MRPS35: variants seen among roughly 807,000 people sequenced by gnomAD.
MRPS35 encodes the protein small ribosomal subunit protein mS35.
MRPS35 carries 29 observed loss-of-function variants against 32.7 expected under a neutral mutation model. The ratio of observed to expected loss-of-function variants is 0.89; its 90% CI spans 0.66 to 1.21. The LOEUF is 1.21. Among genes scored for constraint, MRPS35 ranks in the 50% most tolerant of loss-of-function variants. The pLI is 0.00. For synonymous variants in MRPS35, 148 were observed against 139.3 expected (o/e 1.06, Z -0.44); for missense variants, 373 against 383.8 (o/e 0.97, Z 0.23).
intron 5 of MRPS35, among the ~76,000 whole-genome samples, chr12:27,724,571 C>T (rs1052858708): frequency 2.6e-5 from 4 of 151,974 alleles, no homozygotes; most frequent in Admixed American, 1.3e-4. Context: ...GGTGAAACCC[C>T]GTCTCTACTA....
chr12:27,738,434 T>A (rs2061950887), intron 7 of MRPS35, among the ~76,000 whole-genome samples: 1 of 152,204 alleles, frequency 6.6e-6, no homozygotes, highest in African/African-American at 2.4e-5. Flanking sequence ...GCTAAACCTG[T>A]ATTTAAATAA....
intron 5 of MRPS35, among the ~76,000 whole-genome samples, chr12:27,732,975 T>C (rs2061927300): frequency 6.8e-6 from 1 of 147,018 alleles, no homozygotes; most frequent in Non-Finnish European, 1.5e-5. Context: ...TGTTAAAATG[T>C]AGTCATTTGA....
In MRPS35 at chr12:27,719,684, A is replaced by C. The variant is rs571252819; in HGVS notation, c.322-124A>C. ...CGAGACTCTGTCTCAAAAAAAAAAAAAAACAAACAGATTTTATTTACTACA... is the reference window on the plus strand; with the variant it reads ...CGAGACTCTGTCTCAAAAAAAAAAACAAACAAACAGATTTTATTTACTACA... On this transcript the variant is annotated intron_variant, in intron 3 of 7. Coordinates refer to ENST00000081029, the MANE Select transcript of MRPS35 (RefSeq NM_021821.4). 829 of 662,342 alleles carry C rather than the reference A, an allele frequency of 1.3e-3. 5 individuals are homozygous for C. Among genetic ancestry groups the C allele is most frequent in the Non-Finnish European group, 3.8e-4 (154 of 400,116 alleles). The allele number at this position is 662,342 out of a possible 1,614,324, so 41.0% of individuals were successfully genotyped here. A position where few individuals can be genotyped will look rare whatever the true frequency, so the allele number is the denominator to read the frequency against.
chr12:27,741,903 TG>T (rs1296652628), intron 7 of MRPS35, among the ~76,000 whole-genome samples: 1 of 152,232 alleles, frequency 6.6e-6, no homozygotes, highest in Non-Finnish European at 1.5e-5. Flanking sequence ...TTGGATTTCA[TG>T]ATAGTTTTAT....
At chr12:27,732,094 C>T (rs1413461983) in intron 5 of MRPS35, among the ~76,000 whole-genome samples, 1 of 152,142 alleles carries the variant, frequency 6.6e-6, no homozygotes, top group Non-Finnish European at 1.5e-5. Context: ...TTTTTAAGAA[C>T]ATATTAAATG....
chr12:27,735,612 A>G (rs2140771953), intron 6 of MRPS35, 56 bp downstream of exon 6: 3 of 1,266,778 alleles, frequency 2.4e-6, no homozygotes, highest in South Asian at 1.3e-5. Flanking sequence ...TTGTCCTCCA[A>G]TTCCTTGGCA....
chr12:27,714,766 T>C lies in MRPS35; in HGVS notation c.113-14T>C, dbSNP rs117601446. The stretch of plus-strand genomic sequence containing the variant: ...AAAATTCTCTTTAACTACTGTGTTA[T>C]CTTTTACGTACAGCGGAAAGAACAC... On this transcript the variant is annotated splice_polypyrimidine_tract_variant and intron_variant, in intron 1 of 7. Coordinates refer to ENST00000081029, the MANE Select transcript of MRPS35 (RefSeq NM_021821.4). 0.029 allele frequency: 46,653 copies of C among 1,601,504 alleles called. 914 individuals carry two copies. Among genetic ancestry groups the C allele is most frequent in the Non-Finnish European group, 0.033 (38,825 of 1,170,328 alleles).
chr12:27,729,529 A>G (rs752591537), intron 5 of MRPS35, among the ~76,000 whole-genome samples: 12 of 152,112 alleles, frequency 7.9e-5, no homozygotes, highest in Non-Finnish European at 1.6e-4. Context: ...TCTAGTGTTT[A>G]ACCTCAAGTA....
At chr12:27,732,364 A>G (rs1413001338) in intron 5 of MRPS35, among the ~76,000 whole-genome samples, 1 of 152,174 alleles carries the variant, frequency 6.6e-6, no homozygotes, top group East Asian at 1.9e-4. Context: ...CATTTCTTGT[A>G]TCATGCTTTT....
At position 27,724,142 on chromosome 12, in the gene MRPS35, G is replaced by A; in HGVS notation, c.478G>A (p.Gly160Arg). ...EIDSTDYVSS[G>R]PSVRNPRARV... ...TGACAGCACTGATTATGTTTCATCA[G>A]GACCATCTGTTCGGAACCCCAGAGC... Residue 160 changes from glycine (G) to arginine (R), a missense_variant, in exon 5 of 8, where the codon GGA (glycine) becomes AGA (arginine). Coordinates refer to ENST00000081029, the MANE Select transcript of MRPS35 (RefSeq NM_021821.4). 6.2e-7 allele frequency: 1 copy of A among 1,610,468 alleles called. No individual in the cohort carries two copies. Among genetic ancestry groups the A allele is most frequent in the South Asian group, 1.1e-5 (1 of 90,084 alleles).
chr12:27,734,533 G>C (rs1008667695), intron 5 of MRPS35, among the ~76,000 whole-genome samples: 1 of 152,110 alleles, frequency 6.6e-6, no homozygotes, highest in African/African-American at 2.4e-5. Flanking sequence ...GAGCCACCGT[G>C]CCTGGCCTAT....
intron 7 of MRPS35, among the ~76,000 whole-genome samples, chr12:27,751,122 A>AAAAAAAAAG (rs1565472346): frequency 6.7e-6 from 1 of 148,462 alleles, no homozygotes; most frequent in African/African-American, 2.4e-5. Context: ...AAAAAAAAAA[A>AAAAAAAAAG]AAAAGAAAAG....
At chr12:27,733,015 T>A (rs1223133109) in intron 5 of MRPS35, among the ~76,000 whole-genome samples, 1 of 36,164 alleles carries the variant, frequency 2.8e-5, no homozygotes, top group Non-Finnish European at 6.0e-5. Flanking sequence ...TATATATATA[T>A]ATATATATAT....
In MRPS35 at chr12:27,755,659, C is replaced by G. The variant is rs1026399277; in HGVS notation, c.*209C>G. ...CAATAGACTAGGAGGTCTCTGATTTCTTCTTGGTCTAAAGTGTTTTGATTT... is the reference window on the plus strand; with the variant it reads ...CAATAGACTAGGAGGTCTCTGATTTGTTCTTGGTCTAAAGTGTTTTGATTT... On this transcript the variant is annotated 3_prime_UTR_variant, in exon 8 of 8. Transcript: ENST00000081029. 2.7e-6 allele frequency: 1 copy of G among 369,746 alleles called. No homozygotes were observed. The highest frequency in any genetic ancestry group is 4.7e-6 in the Non-Finnish European group (1 of 213,148). The allele number at this position is 369,746 out of a possible 1,614,324, so 22.9% of individuals were successfully genotyped here.
chr12:27,727,613 C>T (rs1328725138), intron 5 of MRPS35, among the ~76,000 whole-genome samples: 3 of 151,992 alleles, frequency 2.0e-5, no homozygotes, highest in Non-Finnish European at 2.9e-5. Flanking sequence ...TGTTAAGTGG[C>T]GTATGACAGT....
chr12:27,728,451 A>G (rs1178803992), intron 5 of MRPS35, among the ~76,000 whole-genome samples: 1 of 152,138 alleles, frequency 6.6e-6, no homozygotes. Flanking sequence ...AATGTTTCAC[A>G]CTAAAATACT....
chr12:27,755,373 C>CTTTT lies in MRPS35; in HGVS notation c.897_898insTTTT (p.Lys300PhefsTer2). 1.9e-6 allele frequency: 3 copies of CTTTT among 1,602,544 alleles called. No individual in the cohort carries two copies. The highest frequency in any genetic ancestry group is 2.5e-6 in the Non-Finnish European group (3 of 1,177,514). On this transcript the variant is annotated frameshift_variant, in exon 8 of 8. Transcript: ENST00000081029. LOFTEE classifies it high-confidence loss of function. ...AGAGTACAAAAAGTCTGTTGTTAGT[C>CTTTT]TTAAAAATGAGGAGGAAAATGAAAA...
Position 27,733,026 on chromosome 12 carries a change from A to ATCTATCTATC in MRPS35, c.523-2420_523-2419insCTATCTATCT, listed in dbSNP as rs1298970274. Among the ~76,000 whole-genome samples the ATCTATCTATC allele has an allele frequency of 8.3e-5, 11 of 132,946 alleles. No homozygotes were observed. The East Asian group carries it at 1.3e-3, about 16-fold the overall frequency. 87.2% of individuals were successfully genotyped at this position (132,946 alleles called of 152,430 possible). ...TATATATATATATATATATATATATATATATATATATATATCCAGCACCTC... is the reference window on the plus strand; with the variant it reads ...TATATATATATATATATATATATATATCTATCTATCTATATATATATATATCCAGCACCTC... On this transcript the variant is annotated intron_variant, in intron 5 of 7. Coordinates refer to ENST00000081029, the MANE Select transcript of MRPS35 (RefSeq NM_021821.4).
intron 5 of MRPS35, among the ~76,000 whole-genome samples, chr12:27,731,817 CCTT>C (rs982792896): frequency 6.6e-6 from 1 of 152,232 alleles, no homozygotes; most frequent in Non-Finnish European, 1.5e-5. Flanking sequence ...GTTCCTCCCT[CCTT>C]GGCCTCCCAA....
Sources: gnomAD v4.1 joint callset for allele counts (sites outside exome capture counted in the v4.1 genomes callset) on GRCh38, gnomAD v4.1.1 for gene constraint, MANE v1.5 for transcripts, NCBI Gene and HGNC (gene_info 2026-07-23, HGNC 2026-07-21) for gene names.